HAO2: variants seen among roughly 807,000 people sequenced by gnomAD.
The protein encoded by HAO2 is 2-Hydroxyacid oxidase 2.
A neutral mutation model predicts 37.4 loss-of-function variants in HAO2; 42 were observed. The ratio of observed to expected loss-of-function variants is 1.12; its 90% CI spans 0.88 to 1.45. HAO2 has a LOEUF of 1.45. Ranked by LOEUF, HAO2 falls within the 40% of genes most tolerant of loss-of-function variation. The pLI, the probability that HAO2 is intolerant of heterozygous loss-of-function variation, is 0.00. For missense variants in HAO2, 476 were observed against 430.2 expected, an observed-to-expected ratio of 1.11 and a Z score of -0.94; for synonymous variants, 180 against 162.8, an observed-to-expected ratio of 1.11 and a Z score of -0.81.
chr1:119,375,314 C>T (rs1649361763), intron 1 of HAO2, among the ~76,000 whole-genome samples: 1 of 152,010 alleles, frequency 6.6e-6, no homozygotes, highest in African/African-American at 2.4e-5. Context: ...GTGCTAAGTT[C>T]TTCACTTCCA....
At chr1:119,379,078 C>T (rs147537979) in intron 1 of HAO2, among the ~76,000 whole-genome samples, 180 of 152,220 alleles carry the variant, frequency 1.2e-3, no homozygotes, top group African/African-American at 4.2e-3. Context: ...TGGAGGAAAC[C>T]AGGGGTAAGC....
In HAO2 at chr1:119,381,132, A is replaced by C; in HGVS notation, c.47A>C (p.Gln16Pro). ...GACTTTCAGGCCCATGCGCGAGAGC[A>C]GCTGTCTAAGTCAACTCGGGATTTT... ...LTDFQAHAREQLSKSTRDFIE... is the reference protein window; with the variant it reads ...LTDFQAHAREPLSKSTRDFIE... The change falls in exon 2 of 8, where the codon CAG (glutamine) becomes CCG (proline). Residue 16 changes from glutamine to proline, a missense_variant. Gln to Pro is a moderately conservative substitution (Grantham distance 76). Coordinates refer to ENST00000325945, the MANE Select transcript of HAO2 (RefSeq NM_016527.4). 1 of 1,610,464 alleles carries C rather than the reference A, an allele frequency of 6.2e-7. No homozygotes were observed. Among genetic ancestry groups the C allele is most frequent in the Non-Finnish European group, 8.5e-7 (1 of 1,176,592 alleles).
intron 3 of HAO2, among the ~76,000 whole-genome samples, chr1:119,384,186 C>T (rs7552690): frequency 0.41 from 61,937 of 151,980 alleles, 14,818 homozygotes; most frequent in Non-Finnish European, 0.52. Flanking sequence ...CTATGCAGTA[C>T]ACCACTTTGC....
chr1:119,378,844 A>G (rs1649687899), intron 1 of HAO2, among the ~76,000 whole-genome samples: 1 of 152,204 alleles, frequency 6.6e-6, no homozygotes, highest in Admixed American at 6.5e-5. Context: ...TCATCCAATA[A>G]TGAAGATAAA....
At position 119,384,803 on chromosome 1, in the gene HAO2, T is replaced by A; in HGVS notation, c.311T>A (p.Ile104Asn). ...RAAQAAGICY[I>N]TSTFASCSLE... ...GCCCAAGCGGCTGGTATCTGCTACATCACCAGCACATTTGCCAGCTGTAGC... is the reference window on the plus strand; with the variant it reads ...GCCCAAGCGGCTGGTATCTGCTACAACACCAGCACATTTGCCAGCTGTAGC... Residue 104 changes from isoleucine (I) to asparagine (N), a missense_variant, in exon 4 of 8, where the codon ATC becomes AAC. Physicochemically the swap from Ile to Asn is moderately radical, Grantham distance 149. Transcript: ENST00000325945. 6.2e-7 allele frequency: 1 copy of A among 1,613,896 alleles called. No individual in the cohort carries two copies. The highest frequency in any genetic ancestry group is 8.5e-7 in the Non-Finnish European group (1 of 1,179,844).
rs72989690 is a variant in HAO2, at chr1:119,380,640, G to A, written c.-8-438G>A. ...ATGCCATGACGTGGGCACATTGAAA[G>A]ACAAGAGGCAGGCATGATCAGCCTT... On this transcript the variant is annotated intron_variant, in intron 1 of 7. Transcript: ENST00000325945. 10,395 of 1,391,086 alleles carry A rather than the reference G, an allele frequency of 7.5e-3. 558 individuals are homozygous for A. The African/African-American group carries it at 0.12, about 17-fold the overall frequency. The allele number at this position is 1,391,086 out of a possible 1,614,324, so 86.2% of individuals were successfully genotyped here. A position where few individuals can be genotyped will look rare whatever the true frequency, so the allele number is the denominator to read the frequency against.
At chr1:119,384,738 T>TGGG in intron 3 of HAO2, 38 bp from the exon 4 acceptor site, 1 of 1,598,224 alleles carries the variant, frequency 6.3e-7, no homozygotes, top group Non-Finnish European at 8.5e-7. Flanking sequence ...TCCAGAGGCC[T>TGGG]CTGCCCTCCA....
chr1:119,386,018 T>C, intron 4 of HAO2: 1 of 400,250 alleles, frequency 2.5e-6, no homozygotes, highest in Non-Finnish European at 3.4e-6. Context: ...AAACTCTGAA[T>C]TTTTTAAAGT....
chr1:119,391,364 G>A (rs587678369), intron 5 of HAO2, among the ~76,000 whole-genome samples: 1 of 152,302 alleles, frequency 6.6e-6, no homozygotes, highest in African/African-American at 2.4e-5. Flanking sequence ...AGACTTGTAG[G>A]TGCCTAGAAG....
In HAO2 at chr1:119,392,216, G is replaced by A; in HGVS notation, c.878G>A (p.Gly293Glu). The stretch of plus-strand genomic sequence containing the variant: ...GATGTGCTGAAGGCTCTGGCCCTTG[G>A]AGCTAAGTGCATTTTTCTTGGGAGA... ...GNDVLKALAL[G>E]AKCIFLGRPI... Residue 293 changes from glycine (G) to glutamate (E), a missense_variant, in exon 6 of 8, where the codon GGA becomes GAA. Coordinates refer to ENST00000325945, the MANE Select transcript of HAO2 (RefSeq NM_016527.4). 1 of 1,613,478 alleles carries A rather than the reference G, an allele frequency of 6.2e-7. No individual in the cohort carries two copies. Among genetic ancestry groups the A allele is most frequent in the Non-Finnish European group, 8.5e-7 (1 of 1,179,598 alleles).
At chr1:119,384,237 T>C (rs1267808431) in intron 3 of HAO2, among the ~76,000 whole-genome samples, 1 of 152,142 alleles carries the variant, frequency 6.6e-6, no homozygotes, top group Non-Finnish European at 1.5e-5. Context: ...TTATTCAGTC[T>C]CCCAACAATC....
intron 5 of HAO2, 103 bp downstream of exon 5, chr1:119,386,934 C>G (rs1650431488): frequency 6.8e-6 from 5 of 735,920 alleles, no homozygotes; most frequent in South Asian, 6.2e-5. Context: ...GCATATTTCA[C>G]TCCTCTGTAC....
intron 1 of HAO2, among the ~76,000 whole-genome samples, chr1:119,377,398 C>T (rs1347194575): frequency 6.6e-6 from 1 of 152,168 alleles, no homozygotes; most frequent in Non-Finnish European, 1.5e-5. Context: ...ATATTACTAT[C>T]AAAATTTTAG....
chr1:119,387,183 A>G (rs994597210), intron 5 of HAO2, among the ~76,000 whole-genome samples: 1 of 152,218 alleles, frequency 6.6e-6, no homozygotes, highest in Non-Finnish European at 1.5e-5. Context: ...ATTTGATTAG[A>G]CAGATGTTCT....
chr1:119,374,021 T>C (rs1459354427), intron 1 of HAO2, among the ~76,000 whole-genome samples: 1 of 152,214 alleles, frequency 6.6e-6, no homozygotes, highest in Non-Finnish European at 1.5e-5. Context: ...TGAACTGGAC[T>C]GGCTTCTTTT....
In HAO2 at chr1:119,392,284, C is replaced by T; in HGVS notation, c.930+16C>T. The T allele has an allele frequency of 1.9e-6, 3 of 1,590,726 alleles. No individual in the cohort carries two copies. The highest frequency in any genetic ancestry group is 2.6e-6 in the Non-Finnish European group (3 of 1,164,850). ...TGCCTGCAAGGTGAGAGTGGCAAAG[C>T]AAACCAGCAAGAAGATACAGAGCTT... On this transcript the variant is annotated intron_variant, in intron 6 of 7. Transcript: ENST00000325945.
At position 119,382,974 on chromosome 1, in the gene HAO2, T is replaced by C. The variant is rs768574734; in HGVS notation, c.191T>C (p.Ile64Thr). ...DVSEVDTRTT[I>T]QGEEISAPIC... is the part of the protein sequence containing the mutation. ...TCTGAGGTGGACACCAGAACCACAA[T>C]CCAAGGGGAGGAGATCAGTGCCCCT... The change falls in exon 3 of 8, where the codon ATC (isoleucine) becomes ACC (threonine). Residue 64 changes from isoleucine (I) to threonine (T), a missense_variant. Ile to Thr is a moderately conservative substitution (Grantham distance 89). Coordinates refer to ENST00000325945, the MANE Select transcript of HAO2 (RefSeq NM_016527.4). 3 of 1,613,412 alleles carry C rather than the reference T, an allele frequency of 1.9e-6. No homozygotes were observed. Among genetic ancestry groups the C allele is most frequent in the Non-Finnish European group, 2.5e-6 (3 of 1,179,496 alleles).
intron 1 of HAO2, among the ~76,000 whole-genome samples, chr1:119,376,127 T>C (rs1284351791): frequency 6.6e-6 from 1 of 152,184 alleles, no homozygotes; most frequent in African/African-American, 2.4e-5. Flanking sequence ...AAGTCCCTTC[T>C]ACCTATGAGC....
chr1:119,378,493 T>C (rs1649658794), intron 1 of HAO2, among the ~76,000 whole-genome samples: 1 of 152,240 alleles, frequency 6.6e-6, no homozygotes, highest in Non-Finnish European at 1.5e-5. Context: ...GGAAGACTAA[T>C]ACCTTCTCTG....
Sources: allele counts gnomAD v4.1 joint callset (sites outside exome capture counted in the v4.1 genomes callset), GRCh38; gene constraint gnomAD v4.1.1; transcripts MANE v1.5; gene names NCBI Gene and HGNC (gene_info 2026-07-23, HGNC 2026-07-21).